RANBP9: variants seen among roughly 807,000 people sequenced by gnomAD.
RANBP9 encodes ran-binding protein 9.
A neutral mutation model predicts 84.3 loss-of-function variants in RANBP9; 15 were observed. That is an observed-to-expected ratio of 0.18 (90% CI 0.12 to 0.27). The LOEUF is 0.27. Among genes scored for constraint, RANBP9 ranks in the 10% least tolerant of loss-of-function variants. RANBP9 has a pLI of 1.00. For synonymous variants in RANBP9, 392 were observed against 349.6 expected, an observed-to-expected ratio of 1.12 and a Z score of -1.35; for missense variants, 809 against 912.8, an observed-to-expected ratio of 0.89 and a Z score of 1.46.
chr6:13,655,168 G>A (rs1765371165), intron 4 of RANBP9, among the ~76,000 whole-genome samples: 1 of 152,194 alleles, frequency 6.6e-6, no homozygotes, highest in African/African-American at 2.4e-5. Flanking sequence ...AAACATTCAG[G>A]TTTACTTAAA....
chr6:13,656,850 A>C (rs146744070), intron 4 of RANBP9, among the ~76,000 whole-genome samples: 2 of 152,264 alleles, frequency 1.3e-5, no homozygotes, highest in Non-Finnish European at 2.9e-5. Context: ...CTATTTCTAG[A>C]ATAAGTATCT....
At chr6:13,634,094 T>C (rs2127762495) in intron 11 of RANBP9, among the ~76,000 whole-genome samples, 1 of 152,286 alleles carries the variant, frequency 6.6e-6, no homozygotes, top group African/African-American at 2.4e-5. Flanking sequence ...TTGGCCTTAC[T>C]GACTATACTG....
intron 2 of RANBP9, among the ~76,000 whole-genome samples, chr6:13,682,130 G>C (rs1766058188): frequency 6.6e-6 from 1 of 152,056 alleles, no homozygotes; most frequent in African/African-American, 2.4e-5. Flanking sequence ...TTAAAGTGCT[G>C]GGATTACAGG....
intron 1 of RANBP9, among the ~76,000 whole-genome samples, chr6:13,702,682 C>A (rs1429311680): frequency 4.6e-5 from 7 of 151,852 alleles, no homozygotes; most frequent in African/African-American, 1.5e-4. Flanking sequence ...AGCTAAACAC[C>A]AGGTAAAACG....
chr6:13,629,285 T>C (rs7752079), intron 12 of RANBP9, among the ~76,000 whole-genome samples: 1,543 of 152,260 alleles, frequency 0.01, 14 homozygotes, highest in African/African-American at 0.035. Context: ...CTCGTGTAGT[T>C]ATTTAAAAAT....
chr6:13,632,274 C>G, intron 12 of RANBP9, 96 bp downstream of exon 12: 2 of 1,318,388 alleles, frequency 1.5e-6, no homozygotes, highest in Non-Finnish European at 2.1e-6. Flanking sequence ...TCCCAGTTCC[C>G]TAACAAGAAT....
intron 7 of RANBP9, 88 bp downstream of exon 7, chr6:13,642,391 T>A (rs1183960680): frequency 8.4e-6 from 5 of 597,268 alleles, no homozygotes; most frequent in Non-Finnish European, 1.0e-5. Flanking sequence ...GAAATTTTTT[T>A]AATTAAAAAA....
chr6:13,642,740 G>A (rs1303531569), intron 6 of RANBP9, 149 bp from the exon 7 acceptor site: 1 of 461,582 alleles, frequency 2.2e-6, no homozygotes. Context: ...TTTAAAGTAA[G>A]CTTTTGAAAA....
chr6:13,644,631 C>T lies in RANBP9; in HGVS notation c.1026G>A (p.Met342Ile). ...HPFVFDIEDY[M>I]REWRTKIQAQ... is the part of the protein sequence containing the mutation. ...CCTGGATTTTGGTTCTCCACTCCCG[C>T]ATATAGTCTTCTATATCAAACACGA... The change falls in exon 6 of 14, where the codon ATG becomes ATA. Residue 342 changes from methionine (M) to isoleucine (I), a missense_variant. By Grantham distance (10) the Met-to-Ile change is conservative (BLOSUM62 1). Coordinates refer to ENST00000011619, the MANE Select transcript of RANBP9 (RefSeq NM_005493.3). 6.2e-7 allele frequency: 1 copy of T among 1,613,652 alleles called. No homozygotes were observed.
intron 11 of RANBP9, 48 bp from the exon 12 acceptor site, chr6:13,632,569 TA>T (rs757130154): frequency 6.6e-7 from 1 of 1,522,806 alleles, no homozygotes; most frequent in South Asian, 1.1e-5. Flanking sequence ...GAATGGAGTA[TA>T]ATGAGGACAC....
intron 4 of RANBP9, among the ~76,000 whole-genome samples, chr6:13,655,547 A>T (rs1332980737): frequency 6.6e-6 from 1 of 152,202 alleles, no homozygotes; most frequent in East Asian, 1.9e-4. Flanking sequence ...TTAAAGACAC[A>T]TCTTACATTT....
At chr6:13,691,062 A>C (rs1462284567) in intron 2 of RANBP9, among the ~76,000 whole-genome samples, 2 of 151,638 alleles carry the variant, frequency 1.3e-5, no homozygotes, top group Non-Finnish European at 2.9e-5. Context: ...AGCTACTAGG[A>C]CAGACTAAGA....
chr6:13,622,132 G>T lies in RANBP9; in HGVS notation c.*230C>A. The T allele has an allele frequency of 3.1e-6, 1 of 322,250 alleles. No individual in the cohort carries two copies. The highest frequency in any genetic ancestry group is 5.4e-6 in the Non-Finnish European group (1 of 186,146). 20.0% of individuals were successfully genotyped at this position (322,250 alleles called of 1,614,324 possible). On this transcript the variant is annotated 3_prime_UTR_variant, in exon 14 of 14. Transcript: ENST00000011619. ...GATCAATTTGAACGTCTGAAATTCA[G>T]TAATATTTAACTCTTAGACAACTAA...
At chr6:13,635,618 TAA>T (rs75512821) in intron 10 of RANBP9, among the ~76,000 whole-genome samples, 77 of 129,744 alleles carry the variant, frequency 5.9e-4, no homozygotes, top group African/African-American at 1.8e-3. Flanking sequence ...ATTGTTAAGG[TAA>T]AAAAAAAAAA....
At chr6:13,644,815 A>T in intron 5 of RANBP9, 86 bp from the exon 6 acceptor site, 1 of 1,093,652 alleles carries the variant, frequency 9.1e-7, no homozygotes, top group Non-Finnish European at 1.2e-6. Flanking sequence ...AAAGAATAGA[A>T]CTATAAATTT....
At chr6:13,681,603 A>G (rs1766039503) in intron 2 of RANBP9, among the ~76,000 whole-genome samples, 2 of 152,056 alleles carry the variant, frequency 1.3e-5, no homozygotes. Context: ...AAGAGCAAAC[A>G]AAATAGATAA....
In RANBP9 at chr6:13,644,575, C is replaced by T. The variant is rs1193127635; in HGVS notation, c.1082G>A (p.Arg361Gln). 6.8e-6 allele frequency: 11 copies of T among 1,612,746 alleles called. No individual in the cohort carries two copies. The highest frequency in any genetic ancestry group is 2.7e-5 in the African/African-American group (2 of 74,842). ...AQIDRFPIGD[R>Q]EGEWQTMIQK... ...TATCATGGTCTGCCATTCTCCTTCT[C>T]GATCTCCGATAGGAAATCGATCTAT... Residue 361 changes from arginine to glutamine, a missense_variant, in exon 6 of 14, where the codon CGA becomes CAA. Transcript: ENST00000011619.
At chr6:13,682,956 TCTAGGTGGTGTGTACAAGGGTA>T (rs1766079980) in intron 2 of RANBP9, among the ~76,000 whole-genome samples, 1 of 152,152 alleles carries the variant, frequency 6.6e-6, no homozygotes, top group Non-Finnish European at 1.5e-5. Flanking sequence ...AATTCTAAAA[TCTAGGTGGTGTGTACAAGGGTA>T]TTCACTGTAT....
chr6:13,666,074 TATC>T (rs1362192774), intron 2 of RANBP9, among the ~76,000 whole-genome samples: 1 of 152,108 alleles, frequency 6.6e-6, no homozygotes, highest in East Asian at 1.9e-4. Context: ...CTGCAAAACT[TATC>T]AAAGAGTACA....
Sources: gnomAD v4.1 joint callset for allele counts (sites outside exome capture counted in the v4.1 genomes callset) on GRCh38, gnomAD v4.1.1 for gene constraint, MANE v1.5 for transcripts, NCBI Gene and HGNC (gene_info 2026-07-23, HGNC 2026-07-21) for gene names.